The following ZNF536 variants were observed in gnomAD, a reference collection of about 807,000 sequenced individuals.
The protein encoded by ZNF536 is zinc finger protein 536.
ZNF536 carries 13 observed loss-of-function variants against 84.5 expected under a neutral mutation model. That is an observed-to-expected ratio of 0.15 (90% confidence interval 0.10 to 0.24). The LOEUF is 0.24. Among genes scored for constraint, ZNF536 ranks in the 10% least tolerant of loss-of-function variants. The probability of loss-of-function intolerance (pLI) is 1.00; values close to 1 mark genes in which losing one functional copy is unlikely to be tolerated. For missense variants in ZNF536, 1,536 were observed against 1,747.5 expected, an observed-to-expected ratio of 0.88 and a Z score of 2.16; for synonymous variants, 811 against 742.5, an observed-to-expected ratio of 1.09 and a Z score of -1.50.
At chr19:30,695,149 C>T (rs912414702) in intron 1 of ZNF536, among the ~76,000 whole-genome samples, 4 of 152,066 alleles carry the variant, frequency 2.6e-5, no homozygotes, top group Admixed American at 2.0e-4. Flanking sequence ...TGGGGCATTC[C>T]AGGTATGAGG....
intron 1 of ZNF536, among the ~76,000 whole-genome samples, chr19:30,598,081 G>T (rs937930006): frequency 6.6e-6 from 1 of 152,148 alleles, no homozygotes; most frequent in Non-Finnish European, 1.5e-5. Context: ...ACACAGAGTA[G>T]GCATGCATCG....
At chr19:30,506,738 C>A (rs945367883) in intron 2 of ZNF536, among the ~76,000 whole-genome samples, 1 of 152,166 alleles carries the variant, frequency 6.6e-6, no homozygotes, top group African/African-American at 2.4e-5. Flanking sequence ...TAATCCACAA[C>A]TAGGTTTTAT....
intron 1 of ZNF536, among the ~76,000 whole-genome samples, chr19:30,673,086 A>C (rs905530280): frequency 6.6e-6 from 1 of 152,076 alleles, no homozygotes; most frequent in African/African-American, 2.4e-5. Flanking sequence ...GGCCCAGGGG[A>C]ATGGGTGAGG....
In ZNF536 at chr19:30,508,820, C is replaced by CTTTTTTTTTTTTTTT. The variant is rs914349353; in HGVS notation, c.2171-26016_2171-26002dup. ...TCTTTTCTCTTTTCTTTCTTTCTTT[C>CTTTTTTTTTTTTTTT]TTTTTTTTTTTTTTTTTTTTTTTTT... On this transcript the variant is annotated intron_variant, in intron 2 of 4. Transcript: ENST00000355537. 8.9e-4 allele frequency among the ~76,000 whole-genome samples: 61 copies of CTTTTTTTTTTTTTTT among 68,768 alleles called. 3 individuals carry two copies. The highest frequency in any genetic ancestry group is 1.4e-3 in the Non-Finnish European group (54 of 37,636). The allele number at this position is 68,768 out of a possible 152,430, so 45.1% of individuals were successfully genotyped here. A position where few individuals can be genotyped will look rare whatever the true frequency, so the allele number is the denominator to read the frequency against.
chr19:30,256,021 G>A (rs972551389), intron 1 of ZNF536, among the ~76,000 whole-genome samples: 9 of 152,296 alleles, frequency 5.9e-5, no homozygotes, highest in East Asian at 3.9e-4. Flanking sequence ...GGCAGCTGGC[G>A]GCAGCCTCTG....
At chr19:30,480,203 A>G (rs866572391) in intron 2 of ZNF536, among the ~76,000 whole-genome samples, 9 of 152,126 alleles carry the variant, frequency 5.9e-5, no homozygotes, top group Admixed American at 6.5e-5. Context: ...TGGAGCAGAC[A>G]TGTTCTTCCT....
At chr19:30,514,495 G>T (rs1235400045) in intron 2 of ZNF536, among the ~76,000 whole-genome samples, 3 of 152,054 alleles carry the variant, frequency 2.0e-5, no homozygotes, top group Admixed American at 2.0e-4. Flanking sequence ...GACTGTGTTG[G>T]AGCAAAGAAA....
intron 2 of ZNF536, among the ~76,000 whole-genome samples, chr19:30,526,723 C>CAAAA (rs766704469): frequency 4.3e-4 from 20 of 46,694 alleles, no homozygotes; most frequent in East Asian, 9.7e-4. Flanking sequence ...GACTCCGTCT[C>CAAAA]AAAAAAAAAA....
At chr19:30,568,864 T>C (rs1217806211) in intron 1 of ZNF536, among the ~76,000 whole-genome samples, 1 of 152,164 alleles carries the variant, frequency 6.6e-6, no homozygotes, top group East Asian at 1.9e-4. Context: ...GGGCAGCAGG[T>C]CACAGGACCA....
intron 1 of ZNF536, among the ~76,000 whole-genome samples, chr19:30,275,925 A>C (rs1403330017): frequency 2.0e-5 from 3 of 151,928 alleles, no homozygotes; most frequent in Admixed American, 6.6e-5. Flanking sequence ...TATCTCTTGC[A>C]CTATCAACCT....
chr19:30,301,145 T>C (rs904937396), intron 2 of ZNF536, among the ~76,000 whole-genome samples: 7 of 152,214 alleles, frequency 4.6e-5, no homozygotes, highest in African/African-American at 1.7e-4. Flanking sequence ...TGATTCTGGC[T>C]GTGGACGTTT....
At chr19:30,478,577 A>G (rs1160921727) in intron 2 of ZNF536, among the ~76,000 whole-genome samples, 1 of 152,178 alleles carries the variant, frequency 6.6e-6, no homozygotes, top group Non-Finnish European at 1.5e-5. Context: ...TATACCGGGG[A>G]ATAATAGTAC....
At chr19:30,416,043 A>G (rs948632397) in intron 1 of ZNF536, among the ~76,000 whole-genome samples, 1 of 152,098 alleles carries the variant, frequency 6.6e-6, no homozygotes, top group Admixed American at 6.5e-5. Context: ...TTATTTTTGT[A>G]CTACTTTCAC....
intron 1 of ZNF536, among the ~76,000 whole-genome samples, chr19:30,394,147 A>G (rs1047093088): frequency 2.0e-5 from 3 of 152,162 alleles, no homozygotes; most frequent in Non-Finnish European, 4.4e-5. Flanking sequence ...ACCTGTAACA[A>G]TGAACACACG....
At chr19:30,320,467 C>T (rs2046817388) in intron 2 of ZNF536, among the ~76,000 whole-genome samples, 1 of 152,178 alleles carries the variant, frequency 6.6e-6, no homozygotes, top group South Asian at 2.1e-4. Context: ...GCAAATTAGA[C>T]TTCCTCAATT....
At chr19:30,338,730 C>G (rs2047468202) in intron 2 of ZNF536, among the ~76,000 whole-genome samples, 2 of 152,086 alleles carry the variant, frequency 1.3e-5, no homozygotes, top group South Asian at 4.1e-4. Context: ...TGAACTTGGA[C>G]CCCACCAAGG....
chr19:30,320,470 C>T (rs2046817569), intron 2 of ZNF536, among the ~76,000 whole-genome samples: 1 of 152,140 alleles, frequency 6.6e-6, no homozygotes, highest in Non-Finnish European at 1.5e-5. Context: ...AATTAGACTT[C>T]CTCAATTCTT....
At chr19:30,477,655 C>T (rs1451465137) in intron 2 of ZNF536, among the ~76,000 whole-genome samples, 1 of 152,170 alleles carries the variant, frequency 6.6e-6, no homozygotes, top group Non-Finnish European at 1.5e-5. Context: ...CTGACAGGGG[C>T]TGTGTCTGTC....
At chr19:30,328,963 CAG>C (rs2047122887) in intron 2 of ZNF536, among the ~76,000 whole-genome samples, 1 of 152,218 alleles carries the variant, frequency 6.6e-6, no homozygotes, top group South Asian at 2.1e-4. Flanking sequence ...GCGGCATCAT[CAG>C]AGTGAGAGAT....
Sources: allele counts gnomAD v4.1 joint callset (sites outside exome capture counted in the v4.1 genomes callset), GRCh38; gene constraint gnomAD v4.1.1; transcripts MANE v1.5; gene names NCBI Gene and HGNC (gene_info 2026-07-23, HGNC 2026-07-21).